Variants in INPP4B observed in about 807,000 individuals in gnomAD.
INPP4B encodes inositol polyphosphate-4-phosphatase type II B.
INPP4B carries 55 observed loss-of-function variants against 122.5 expected under a neutral mutation model. That is an observed-to-expected ratio of 0.45 (90% confidence interval 0.36 to 0.56). INPP4B has a LOEUF of 0.56. Ranked by LOEUF, INPP4B falls within the 20% of genes least tolerant of loss-of-function variation. The pLI is 0.00. For synonymous variants in INPP4B, 403 were observed against 388.7 expected (o/e 1.04, Z -0.43); for missense variants, 1,000 against 1,097.7 (o/e 0.91, Z 1.26).
At chr4:142,071,716 G>A (rs1277423948) in intron 25 of INPP4B, among the ~76,000 whole-genome samples, 3 of 152,132 alleles carry the variant, frequency 2.0e-5, no homozygotes, top group Admixed American at 1.3e-4. Flanking sequence ...CATTTATGCA[G>A]CTACAGACAC....
chr4:142,816,372 GC>G (rs1367994915), intron 1 of INPP4B, among the ~76,000 whole-genome samples: 1 of 151,886 alleles, frequency 6.6e-6, no homozygotes, highest in East Asian at 1.9e-4. Context: ...TAATTTCAAT[GC>G]CCTTTTGTTA....
intron 25 of INPP4B, chr4:142,029,367 C>CTATT (rs1738378473): frequency 1.0e-6 from 1 of 984,848 alleles, no homozygotes; most frequent in African/African-American, 1.7e-5. Flanking sequence ...AATTTCATCT[C>CTATT]TATTTTATTA....
intron 2 of INPP4B, among the ~76,000 whole-genome samples, chr4:142,544,772 T>A (rs1159076966): frequency 6.6e-6 from 1 of 152,082 alleles, no homozygotes; most frequent in Non-Finnish European, 1.5e-5. Context: ...AGGAGGGGAC[T>A]AAAGGAAGAT....
At chr4:142,658,762 A>G (rs1934359360) in intron 2 of INPP4B, among the ~76,000 whole-genome samples, 1 of 152,188 alleles carries the variant, frequency 6.6e-6, no homozygotes, top group African/African-American at 2.4e-5. Flanking sequence ...CCCAGTGGGG[A>G]AACTGGTCTC....
Position 142,160,535 on chromosome 4 carries a change from C to G in INPP4B, c.1386G>C (p.Lys462Asn). 6.2e-7 allele frequency: 1 copy of G among 1,605,064 alleles called. No individual in the cohort carries two copies. Among genetic ancestry groups the G allele is most frequent in the Non-Finnish European group, 8.5e-7 (1 of 1,173,554 alleles). ...EKTELFVHAF[K>N]DQLVRSALLA... ...AAAGAGCACTCCTGACAAGTTGATCCTTGAAGGCATGTACAAAAAGCTCTG... is the reference window on the plus strand; with the variant it reads ...AAAGAGCACTCCTGACAAGTTGATCGTTGAAGGCATGTACAAAAAGCTCTG... The change falls in exon 17 of 26, where the codon AAG becomes AAC. Residue 462 changes from lysine to asparagine, a missense_variant. Transcript: ENST00000262992.
At position 142,028,313 on chromosome 4, in the gene INPP4B, T is replaced by TA. The variant is rs35611846; in HGVS notation, c.*468dup. 4.4e-6 allele frequency: 1 copy of TA among 226,696 alleles called. No homozygotes were observed. The highest frequency in any genetic ancestry group is 8.8e-6 in the Non-Finnish European group (1 of 113,940). The allele number at this position is 226,696 out of a possible 1,614,324, so 14.0% of individuals were successfully genotyped here. A position where few individuals can be genotyped will look rare whatever the true frequency, so the allele number is the denominator to read the frequency against. On this transcript the variant is annotated 3_prime_UTR_variant, in exon 26 of 26. Coordinates refer to ENST00000262992, the MANE Select transcript of INPP4B (RefSeq NM_001101669.3). Reference sequence around the variant, plus strand: ...TAATTGAGTGGCTACACATTTTTTTTAAATCCCTTACATTGATTCTCAGGT... The same window carrying TA: ...TAATTGAGTGGCTACACATTTTTTTTAAAATCCCTTACATTGATTCTCAGGT...
rs183606880 is a variant in INPP4B, at chr4:142,622,198, G to A, written c.-191+103641C>T. 1.2e-3 allele frequency among the ~76,000 whole-genome samples: 182 copies of A among 151,904 alleles called. 2 individuals carry two copies. Among genetic ancestry groups the A allele is most frequent in the Middle Eastern group, 3.4e-3 (1 of 294 alleles). The stretch of plus-strand genomic sequence containing the variant: ...CTCCCAAAAAGCTCAATGTGGGCCC[G>A]GGCTACAAACTTTAATGATGTAAAT... On this transcript the variant is annotated intron_variant, in intron 2 of 25. Coordinates refer to ENST00000262992, the MANE Select transcript of INPP4B (RefSeq NM_001101669.3).
intron 23 of INPP4B, among the ~76,000 whole-genome samples, chr4:142,096,654 T>C (rs1406980694): frequency 2.6e-5 from 4 of 152,200 alleles, no homozygotes; most frequent in Admixed American, 2.6e-4. Flanking sequence ...ATCTTTTTAA[T>C]GCTAAAAAAG....
intron 2 of INPP4B, among the ~76,000 whole-genome samples, chr4:142,581,366 A>C (rs1164661697): frequency 6.6e-6 from 1 of 152,044 alleles, no homozygotes; most frequent in East Asian, 1.9e-4. Flanking sequence ...AAGGGCAAGC[A>C]AACAAACTAC....
At chr4:142,416,912 G>A (rs1805893455) in intron 5 of INPP4B, among the ~76,000 whole-genome samples, 1 of 152,176 alleles carries the variant, frequency 6.6e-6, no homozygotes. Flanking sequence ...CAGGATATAA[G>A]AGAAGGAGGA....
chr4:142,742,958 T>A (rs192232706), intron 1 of INPP4B, among the ~76,000 whole-genome samples: 1 of 152,102 alleles, frequency 6.6e-6, no homozygotes, highest in East Asian at 1.9e-4. Context: ...ATAAAAGTAA[T>A]GACTCTAAGG....
intron 15 of INPP4B, among the ~76,000 whole-genome samples, chr4:142,182,409 G>T (rs899255952): frequency 1.3e-5 from 2 of 151,872 alleles, no homozygotes; most frequent in African/African-American, 2.4e-5. Flanking sequence ...TTAGCCGGGC[G>T]TGGTGGCAGG....
intron 1 of INPP4B, among the ~76,000 whole-genome samples, chr4:142,832,696 G>T (rs2151187630): frequency 6.6e-6 from 1 of 151,796 alleles, no homozygotes; most frequent in East Asian, 1.9e-4. Flanking sequence ...AACAATATTT[G>T]TTTAAATTTA....
chr4:142,519,072 A>G (rs890741297), intron 2 of INPP4B: 5 of 152,298 alleles, frequency 3.3e-5, no homozygotes, highest in African/African-American at 1.2e-4. Context: ...TTTATGTCGT[A>G]TGTGTATATA....
chr4:142,457,128 T>C (rs1815628531), intron 3 of INPP4B, among the ~76,000 whole-genome samples: 1 of 152,024 alleles, frequency 6.6e-6, no homozygotes, highest in African/African-American at 2.4e-5. Context: ...TCAGACCTTA[T>C]ACAATCAACT....
At chr4:142,266,732 G>T (rs982236626) in intron 10 of INPP4B, among the ~76,000 whole-genome samples, 3 of 151,716 alleles carry the variant, frequency 2.0e-5, no homozygotes, top group Non-Finnish European at 4.4e-5. Context: ...ACAAGAAAAA[G>T]AAATAAAAGA....
intron 12 of INPP4B, among the ~76,000 whole-genome samples, chr4:142,216,724 C>A (rs914002508): frequency 1.3e-5 from 2 of 152,054 alleles, no homozygotes; most frequent in African/African-American, 2.4e-5. Flanking sequence ...ATGTAGAACA[C>A]CCTACTAATT....
rs1004075670 is a variant in INPP4B at position 142,025,795 on chromosome 4, C to T, written c.*2987G>A. The T allele has an allele frequency of 6.6e-6, 1 of 152,100 alleles. No individual in the cohort carries two copies. Among genetic ancestry groups the T allele is most frequent in the African/African-American group, 2.4e-5 (1 of 41,420 alleles). 9.4% of individuals were successfully genotyped at this position (152,100 alleles called of 1,614,324 possible). On this transcript the variant is annotated 3_prime_UTR_variant, in exon 26 of 26. Transcript: ENST00000262992. The stretch of plus-strand genomic sequence containing the variant: ...TCCATGGAGCTCTGCCCTGATTGGG[C>T]AGTTTGTCATTTAGTACAATTTATC...
intron 25 of INPP4B, among the ~76,000 whole-genome samples, chr4:142,044,996 T>C (rs1750548160): frequency 6.6e-6 from 1 of 152,174 alleles, no homozygotes; most frequent in South Asian, 2.1e-4. Flanking sequence ...CAGAAATTTT[T>C]GCAATATATT....
Sources: gnomAD v4.1 joint callset for allele counts (sites outside exome capture counted in the v4.1 genomes callset) on GRCh38, gnomAD v4.1.1 for gene constraint, MANE v1.5 for transcripts, NCBI Gene and HGNC (gene_info 2026-07-23, HGNC 2026-07-21) for gene names.